PGM5: variants seen among roughly 807,000 people sequenced by gnomAD.
PGM5 encodes phosphoglucomutase 5.
PGM5 carries 23 observed loss-of-function variants against 59.2 expected under a neutral mutation model. The observed-to-expected ratio is 0.39, with a 90% CI of 0.28 to 0.55. The LOEUF is 0.55. Among genes scored for constraint, PGM5 ranks in the 20% least tolerant of loss-of-function variants. The pLI is 0.66. For missense variants in PGM5, 574 were observed against 748.3 expected (o/e 0.77, Z 2.72); for synonymous variants, 214 against 286.0 (o/e 0.75, Z 2.54).
chr9:68,495,528 C>A (rs1452371781), intron 9 of PGM5, among the ~76,000 whole-genome samples: 4 of 152,220 alleles, frequency 2.6e-5, no homozygotes, highest in Non-Finnish European at 2.9e-5. Flanking sequence ...GAGCTTCATA[C>A]AGCCTCTAAC....
intron 6 of PGM5, among the ~76,000 whole-genome samples, chr9:68,445,557 A>C (rs1823598400): frequency 6.6e-6 from 1 of 152,212 alleles, no homozygotes; most frequent in African/African-American, 2.4e-5. Context: ...ATTGGGACAC[A>C]ACGTGGAGAT....
chr9:68,375,104 A>C (rs1304050494), intron 1 of PGM5, among the ~76,000 whole-genome samples: 4 of 152,164 alleles, frequency 2.6e-5, no homozygotes, highest in Non-Finnish European at 4.4e-5. Flanking sequence ...CTCCCTCTTC[A>C]CAGGGCTTCT....
intron 5 of PGM5, 104 bp downstream of exon 5, chr9:68,391,828 A>G (rs2260714): frequency 1.7e-5 from 20 of 1,178,510 alleles, no homozygotes; most frequent in Admixed American, 4.8e-5. Context: ...CATGTATGGG[A>G]CATGTGTGCC....
chr9:68,509,736 A>G (rs1824717076), intron 10 of PGM5, among the ~76,000 whole-genome samples: 1 of 152,162 alleles, frequency 6.6e-6, no homozygotes. Flanking sequence ...AGCTTGTTTG[A>G]ATAATTTCAG....
chr9:68,467,930 T>C (rs1221840031), intron 7 of PGM5, among the ~76,000 whole-genome samples: 1 of 152,206 alleles, frequency 6.6e-6, no homozygotes, highest in Non-Finnish European at 1.5e-5. Flanking sequence ...AAAAACTCTA[T>C]ATTCTCTTGG....
At chr9:68,491,549 G>A (rs994490590) in intron 9 of PGM5, among the ~76,000 whole-genome samples, 5 of 152,142 alleles carry the variant, frequency 3.3e-5, no homozygotes, top group Non-Finnish European at 5.9e-5. Flanking sequence ...AAAGACAGTC[G>A]GGCTCTGTAT....
rs74466060 is a variant in PGM5, at chr9:68,406,757, A to G, written c.1043+14284A>G. On this transcript the variant is annotated intron_variant, in intron 6 of 10. Transcript: ENST00000396396. ...AGTGCTTACAGCAGTGCCAGTCCAC[A>G]GTATGCGTTCAATGAAGTTAGCTAT... is the stretch of plus-strand genomic sequence containing the variant. Among the ~76,000 whole-genome samples the G allele has an allele frequency of 0.017, 2,254 of 135,050 alleles. 222 individuals are homozygous for G. The East Asian group carries it at 0.29, about 17-fold the overall frequency. The allele number at this position is 135,050 out of a possible 152,430, so 88.6% of individuals were successfully genotyped here. A position where few individuals can be genotyped will look rare whatever the true frequency, so the allele number is the denominator to read the frequency against.
intron 6 of PGM5, among the ~76,000 whole-genome samples, chr9:68,409,731 G>C (rs1158236633): frequency 6.5e-4 from 72 of 111,200 alleles, no homozygotes; most frequent in African/African-American, 2.3e-3. Flanking sequence ...GTTGTGGGGT[G>C]GGGGGAGGGG....
At chr9:68,403,448 C>T (rs265110) in intron 6 of PGM5, among the ~76,000 whole-genome samples, 73,722 of 151,974 alleles carry the variant, frequency 0.49, 19,196 homozygotes, top group Non-Finnish European at 0.58. Context: ...TCATCCTCCT[C>T]CCCCAGTCTG....
At position 68,437,250 on chromosome 9, in the gene PGM5, T is replaced by C. The variant is rs1823454576; in HGVS notation, c.1044-27843T>C. On this transcript the variant is annotated intron_variant, in intron 6 of 10. Coordinates refer to ENST00000396396, the MANE Select transcript of PGM5 (RefSeq NM_021965.4). This position sits in a 1 kb window ranked among gnomAD's most constrained non-coding sequence, Gnocchi z 4.1. ...TCATTTTTGAGATTTTTCTCTCTTT[T>C]ATTAATTTTCTCCTCTTGTTTTATT... 6.6e-6 allele frequency among the ~76,000 whole-genome samples: 1 copy of C among 152,210 alleles called. No individual in the cohort carries two copies.
chr9:68,417,023 T>C (rs571368661), intron 6 of PGM5, among the ~76,000 whole-genome samples: 15 of 152,320 alleles, frequency 9.8e-5, no homozygotes, highest in African/African-American at 3.4e-4. Context: ...AAAGCCAAGA[T>C]CAAATACCAA....
intron 6 of PGM5, among the ~76,000 whole-genome samples, chr9:68,439,350 G>A (rs1823489492): frequency 6.7e-6 from 1 of 148,890 alleles, no homozygotes; most frequent in Non-Finnish European, 1.5e-5. Context: ...TGGGCAACAG[G>A]GCAAGATGCT....
chr9:68,480,795 T>C (rs1189819704), intron 8 of PGM5, among the ~76,000 whole-genome samples: 2 of 151,510 alleles, frequency 1.3e-5, no homozygotes, highest in Admixed American at 1.3e-4. Flanking sequence ...GAAAGATCAG[T>C]GGGTAGGAGC....
chr9:68,525,433 C>A (rs939687797), intron 10 of PGM5, among the ~76,000 whole-genome samples: 13 of 152,120 alleles, frequency 8.5e-5, no homozygotes, highest in Non-Finnish European at 1.8e-4. Flanking sequence ...AACAACAGAC[C>A]ACATATTCCA....
chr9:68,381,734 T>C (rs1296427655), intron 2 of PGM5, among the ~76,000 whole-genome samples: 1 of 151,188 alleles, frequency 6.6e-6, no homozygotes, highest in East Asian at 1.9e-4. Flanking sequence ...CATACAAACA[T>C]CAGTAGCATT....
chr9:68,377,581 C>A (rs1230199403), intron 1 of PGM5, among the ~76,000 whole-genome samples: 1 of 152,140 alleles, frequency 6.6e-6, no homozygotes, highest in Non-Finnish European at 1.5e-5. Context: ...AAGAATCTGG[C>A]TGCATCCATG....
chr9:68,372,434 A>G (rs1821760681), intron 1 of PGM5, among the ~76,000 whole-genome samples: 1 of 152,010 alleles, frequency 6.6e-6, no homozygotes. Context: ...AAGTGGCCCA[A>G]ATTAACCAAT....
At chr9:68,413,815 A>G (rs1822977308) in intron 6 of PGM5, among the ~76,000 whole-genome samples, 1 of 152,202 alleles carries the variant, frequency 6.6e-6, no homozygotes, top group Non-Finnish European at 1.5e-5. Context: ...CCATATACAG[A>G]AAAAATAAGG....
At chr9:68,453,624 T>A (rs1045857309) in intron 6 of PGM5, among the ~76,000 whole-genome samples, 1 of 152,194 alleles carries the variant, frequency 6.6e-6, no homozygotes, top group Non-Finnish European at 1.5e-5. Context: ...GGGGTGAACA[T>A]GCTGTAATCT....
Sources: allele counts gnomAD v4.1 joint callset (sites outside exome capture counted in the v4.1 genomes callset), GRCh38; gene constraint gnomAD v4.1.1; non-coding constraint Gnocchi (gnomAD v3.1); transcripts MANE v1.5; gene names NCBI Gene and HGNC (gene_info 2026-07-23, HGNC 2026-07-21).